The following ELAC2 variants were observed in gnomAD, a reference collection of about 807,000 sequenced individuals.
ELAC2 encodes zinc phosphodiesterase ELAC protein 2.
A neutral mutation model predicts 105.2 loss-of-function variants in ELAC2; 92 were observed. The observed-to-expected ratio is 0.87, with a 90% confidence interval of 0.74 to 1.04. The LOEUF (loss-of-function observed/expected upper bound fraction) is 1.04, where lower values mean the gene tolerates loss of function less well. Among genes scored for constraint, ELAC2 ranks in the 50% least tolerant of loss-of-function variants. The probability of loss-of-function intolerance (pLI) is 0.00; values close to 1 mark genes in which losing one functional copy is unlikely to be tolerated. For synonymous variants in ELAC2, 468 were observed against 409.1 expected (o/e 1.14, Z -1.74); for missense variants, 1,099 against 1,071.7 (o/e 1.03, Z -0.36).
intron 7 of ELAC2, among the ~76,000 whole-genome samples, chr17:13,011,130 A>C (rs958790854): frequency 1.4e-4 from 22 of 152,212 alleles, no homozygotes; most frequent in African/African-American, 5.1e-4. Context: ...ACCTCAGGAC[A>C]GAAAGAGGAG....
rs1362514074 is a variant in ELAC2 at position 13,004,970 on chromosome 17, C to T, written c.983+19G>A. On this transcript the variant is annotated intron_variant, in intron 11 of 23. Transcript: ENST00000338034. Reference sequence around the variant, plus strand: ...GGGTTTCAGCTCTCACTTCTCCCACCCTAGAGACCCCTCATTACCTCTGAA... The same window carrying T: ...GGGTTTCAGCTCTCACTTCTCCCACTCTAGAGACCCCTCATTACCTCTGAA... 2 of 1,588,368 alleles carry T rather than the reference C, an allele frequency of 1.3e-6. No individual in the cohort carries two copies. The highest frequency in any genetic ancestry group is 1.3e-5 in the African/African-American group (1 of 74,376).
At position 12,995,741 on chromosome 17, in the gene ELAC2, C is replaced by T; in HGVS notation, c.1770G>A (p.Gln590=). Residue 590 remains glutamine, a synonymous_variant, in exon 19 of 24, where the codon CAG becomes CAA. Coordinates refer to ENST00000338034, the MANE Select transcript of ELAC2 (RefSeq NM_018127.7). ...APNQLKAWLQ[Q]YHNQCQEVLH... Reference sequence around the variant, plus strand: ...GGACCTCCTGGCACTGGTTGTGGTACTGCTGGAGCCAGGCTTTGAGCTGGT... The same window carrying T: ...GGACCTCCTGGCACTGGTTGTGGTATTGCTGGAGCCAGGCTTTGAGCTGGT... The T allele has an allele frequency of 6.2e-7, 1 of 1,612,954 alleles. No individual in the cohort carries two copies. The highest frequency in any genetic ancestry group is 8.5e-7 in the Non-Finnish European group (1 of 1,179,580).
intron 6 of ELAC2, among the ~76,000 whole-genome samples, chr17:13,012,571 G>T (rs1219856822): frequency 2.6e-5 from 4 of 152,284 alleles, no homozygotes; most frequent in East Asian, 3.9e-4. Context: ...CCAGGTTCTG[G>T]ACTTCTCTGG....
In ELAC2 at chr17:12,993,323, C is replaced by T. The variant is rs577834328; in HGVS notation, c.2254-278G>A. ...GCTCCTGAAAAACGAGGCCTGGCTC[C>T]GGCTCTGCCCCTTCATTCCGGAAGG... On this transcript the variant is annotated intron_variant, in intron 23 of 23. Transcript: ENST00000338034. Among the ~76,000 whole-genome samples the T allele has an allele frequency of 4.6e-5, 7 of 152,332 alleles. No homozygotes were observed. In the East Asian group the frequency reaches 5.8e-4, roughly 13 times the overall value.
At chr17:13,005,166 A>G in intron 10 of ELAC2, 65 bp from the exon 11 acceptor site, 1 of 1,117,230 alleles carries the variant, frequency 9.0e-7, no homozygotes, top group Non-Finnish European at 1.4e-6. Flanking sequence ...AACTGCCTTC[A>G]AGGCAACTGC....
chr17:13,002,639 G>C, intron 12 of ELAC2, 60 bp from the exon 13 acceptor site: 1 of 1,557,468 alleles, frequency 6.4e-7, no homozygotes, highest in Non-Finnish European at 8.7e-7. Context: ...CCCCTGAGGA[G>C]TGGTGCTGAG....
In ELAC2 at chr17:12,992,354, CTG is replaced by C. The variant is rs1567736443; in HGVS notation, c.*462_*463del. The C allele has an allele frequency of 4.1e-6, 1 of 241,346 alleles. No homozygotes were observed. The highest frequency in any genetic ancestry group is 2.8e-5 in the African/African-American group (1 of 36,094). 15.0% of individuals were successfully genotyped at this position (241,346 alleles called of 1,614,324 possible). A position where few individuals can be genotyped will look rare whatever the true frequency, so the allele number is the denominator to read the frequency against. On this transcript the variant is annotated 3_prime_UTR_variant, in exon 24 of 24. Coordinates refer to ENST00000338034, the MANE Select transcript of ELAC2 (RefSeq NM_018127.7). The stretch of plus-strand genomic sequence containing the variant: ...AAGGTGGTGCACAGCAGACCCTGCT[CTG>C]TAGCAGCAGCAGGAGGAAGCAAAAG...
At chr17:13,001,409 T>C (rs1031570265) in intron 14 of ELAC2, among the ~76,000 whole-genome samples, 2 of 152,084 alleles carry the variant, frequency 1.3e-5, no homozygotes, top group African/African-American at 4.8e-5. Flanking sequence ...GGAGAAATGC[T>C]TGAACCCGGG....
chr17:13,000,219 G>T lies in ELAC2; in HGVS notation c.1360C>A (p.Pro454Thr). The part of the protein sequence containing the change: ...EEFIVEALQL[P>T]NFQQSVQEYR... ...TCCTGCACGCTCTGCTGGAAGTTGG[G>T]AAGCTGCAGCGCCTCAACTATGAAT... Residue 454 changes from proline (P) to threonine (T), a missense_variant, in exon 15 of 24, where the codon CCC becomes ACC. Transcript: ENST00000338034. 1 of 1,614,144 alleles carries T rather than the reference G, an allele frequency of 6.2e-7. No individual in the cohort carries two copies. Among genetic ancestry groups the T allele is most frequent in the East Asian group, 2.2e-5 (1 of 44,876 alleles).
At position 12,994,769 on chromosome 17, in the gene ELAC2, C is replaced by T. The variant is rs765368974; in HGVS notation, c.2024G>A (p.Arg675Gln). The change falls in exon 21 of 24, where the codon CGG (arginine) becomes CAG (glutamine). Residue 675 changes from arginine to glutamine, a missense_variant. By Grantham distance (43) the Arg-to-Gln change is conservative. Coordinates refer to ENST00000338034, the MANE Select transcript of ELAC2 (RefSeq NM_018127.7). ...GDTMPCEALV[R>Q]MGKDATLLIH... ...TTGCTTCTTCCTCTACTCACCCATC[C>T]GGACCAGAGCCTCGCAGGGCATGGT... The T allele has an allele frequency of 2.1e-5, 34 of 1,613,812 alleles. No individual in the cohort carries two copies. Among genetic ancestry groups the T allele is most frequent in the East Asian group, 4.5e-5 (2 of 44,892 alleles).
At chr17:13,002,160 A>T in intron 14 of ELAC2, 114 bp downstream of exon 14, 2 of 1,125,938 alleles carry the variant, frequency 1.8e-6, no homozygotes, top group Non-Finnish European at 2.6e-6. Flanking sequence ...TTGAATAGTT[A>T]CAACAGAGAC....
intron 23 of ELAC2, 23 bp from the exon 24 acceptor site, chr17:12,993,068 AG>A: frequency 6.3e-7 from 1 of 1,597,416 alleles, no homozygotes; most frequent in Non-Finnish European, 8.5e-7. Flanking sequence ...ATAGAAGACA[AG>A]GACATGTCTC....
At chr17:13,007,728 A>T (rs1423932789) in intron 8 of ELAC2, among the ~76,000 whole-genome samples, 1 of 151,994 alleles carries the variant, frequency 6.6e-6, no homozygotes, top group Non-Finnish European at 1.5e-5. Context: ...AAACACAAAA[A>T]TTAGCCAAGT....
At chr17:12,996,286 G>A (rs960834450) in intron 17 of ELAC2, 45 of 640,764 alleles carry the variant, frequency 7.0e-5, no homozygotes, top group Admixed American at 1.0e-4. Flanking sequence ...TGAGCAGGCC[G>A]TGTGAGATTC....
Position 12,996,629 on chromosome 17 carries a change from CG to C in ELAC2, c.1576del (p.Arg526ValfsTer79). ...CGEGTFGQLCRHYGDQVDRVL... is the reference protein window; with the variant it reads ...CGEGTFGQLCXHYGDQVDRVL... ...CCTGTCCACCTGGTCTCCGTAATGA[CG>C]GCACAGCTGCCCAAATGTGCCCTCA... On this transcript the variant is annotated frameshift_variant, in exon 17 of 24. Transcript: ENST00000338034. LOFTEE classifies it high-confidence loss of function. 1 of 1,614,030 alleles carries C rather than the reference CG, an allele frequency of 6.2e-7. No homozygotes were observed. The highest frequency in any genetic ancestry group is 8.5e-7 in the Non-Finnish European group (1 of 1,180,014).
intron 7 of ELAC2, 106 bp downstream of exon 7, chr17:13,011,555 GTT>G: frequency 6.3e-7 from 1 of 1,574,876 alleles, no homozygotes. Context: ...AGAAGGATCT[GTT>G]TACACACCTG....
At chr17:12,998,932 G>A (rs186254825) in intron 15 of ELAC2, among the ~76,000 whole-genome samples, 66 of 152,302 alleles carry the variant, frequency 4.3e-4, no homozygotes, top group East Asian at 1.5e-3. Context: ...TTCTCAGCCC[G>A]CAGAACCGTG....
chr17:12,994,905 G>C (rs1371142437), intron 20 of ELAC2, 21 bp from the exon 21 acceptor site: 1 of 1,613,986 alleles, frequency 6.2e-7, no homozygotes, highest in Non-Finnish European at 8.5e-7. Flanking sequence ...GGGGCTGGAG[G>C]GCTCTGCAGC....
At chr17:12,995,856 C>T (rs1245688431) in intron 18 of ELAC2, 44 bp from the exon 19 acceptor site, 1 of 1,587,402 alleles carries the variant, frequency 6.3e-7, no homozygotes, top group Admixed American at 1.8e-5. Context: ...CAGAACATCT[C>T]AATAAAAACT....
Sources: allele counts gnomAD v4.1 joint callset (sites outside exome capture counted in the v4.1 genomes callset), GRCh38; gene constraint gnomAD v4.1.1; transcripts MANE v1.5; gene names NCBI Gene and HGNC (gene_info 2026-07-23, HGNC 2026-07-21).